Variants in TENM2 observed in about 807,000 individuals in gnomAD.
TENM2 encodes the protein teneurin transmembrane protein 2, also known as teneurin-2.
Under a neutral mutation model 245.2 loss-of-function variants are expected in TENM2, and 52 were observed. That is an observed-to-expected ratio of 0.21 (90% CI 0.17 to 0.27). TENM2 has a LOEUF of 0.27. Among genes scored for constraint, TENM2 ranks in the 10% least tolerant of loss-of-function variants. TENM2 has a pLI of 1.00. For missense variants in TENM2, 3,046 were observed against 3,666.8 expected, an observed-to-expected ratio of 0.83 and a Z score of 4.37; for synonymous variants, 1,363 against 1,438.9, an observed-to-expected ratio of 0.95 and a Z score of 1.19.
chr5:167,049,494 A>G, the TENM2 span, among the ~76,000 whole-genome samples: 5 of 152,210 alleles, frequency 3.3e-5, no homozygotes, highest in Non-Finnish European at 7.3e-5. Context: ...TTGTCTTTAA[A>G]CCACTTTTAA....
At chr5:167,154,016 GA>G in the TENM2 span, among the ~76,000 whole-genome samples, 7 of 152,136 alleles carry the variant, frequency 4.6e-5, no homozygotes, top group Non-Finnish European at 1.0e-4. Flanking sequence ...TCAGTTTGGT[GA>G]AATACAAGGG....
Position 167,515,669 on chromosome 5 carries a change from G to GTATATATATACACATATATACATATATA in TENM2, c.502+140197_502+140198insATATATATACACATATATACATATATAT. The stretch of plus-strand genomic sequence containing the variant: ...TATATACACATATATACGTATATAT[G>GTATATATATACACATATATACATATATA]TGTATATATATTTTGAGAGGGAGTC... On this transcript the variant is annotated intron_variant, in intron 2 of 28. Transcript: ENST00000518659. Among the ~76,000 whole-genome samples, 162 of 78,722 alleles carry GTATATATATACACATATATACATATATA rather than the reference G, an allele frequency of 2.1e-3. 4 individuals are homozygous for GTATATATATACACATATATACATATATA. The highest frequency in any genetic ancestry group is 8.2e-3 in the African/African-American group (153 of 18,740). 51.6% of individuals were successfully genotyped at this position (78,722 alleles called of 152,430 possible). A position where few individuals can be genotyped will look rare whatever the true frequency, so the allele number is the denominator to read the frequency against.
the TENM2 span, among the ~76,000 whole-genome samples, chr5:167,010,806 T>C: frequency 5.9e-5 from 9 of 152,222 alleles, no homozygotes; most frequent in Non-Finnish European, 8.8e-5. Context: ...TTTAATATGA[T>C]AGTGGTGAAG....
intron 5 of TENM2, among the ~76,000 whole-genome samples, chr5:167,994,767 C>T (rs1416867921): frequency 6.6e-6 from 1 of 152,094 alleles, no homozygotes; most frequent in Admixed American, 6.6e-5. Flanking sequence ...GGCCTGAGAC[C>T]CAAGCACCCC....
chr5:168,047,313 T>G, intron 5 of TENM2, 114 bp from the exon 8 acceptor site: 1 of 1,263,310 alleles, frequency 7.9e-7, no homozygotes, highest in Non-Finnish European at 1.1e-6. Context: ...AAGCCATTTT[T>G]GACGCAGCTT....
chr5:167,300,346 C>A (rs945497892), intron 1 of TENM2, among the ~76,000 whole-genome samples: 1 of 151,996 alleles, frequency 6.6e-6, no homozygotes, highest in South Asian at 2.1e-4. Flanking sequence ...CAGGGTCAGT[C>A]CAAGTGAAAG....
chr5:168,242,818 T>C (rs1477405289), intron 25 of TENM2, among the ~76,000 whole-genome samples: 2 of 152,086 alleles, frequency 1.3e-5, no homozygotes, highest in Non-Finnish European at 2.9e-5. Flanking sequence ...CCCAGTATGA[T>C]GGCACATGCC....
At chr5:167,226,316 C>G in the TENM2 span, among the ~76,000 whole-genome samples, 1 of 151,650 alleles carries the variant, frequency 6.6e-6, no homozygotes, top group African/African-American at 2.4e-5. Flanking sequence ...ATTCTTTTGC[C>G]CTAACCCACA....
chr5:167,112,111 T>C, the TENM2 span, among the ~76,000 whole-genome samples: 2 of 152,196 alleles, frequency 1.3e-5, no homozygotes, highest in Non-Finnish European at 2.9e-5. Context: ...AAGAGGAGGC[T>C]AATCCATATA....
At chr5:167,202,510 A>C in the TENM2 span, among the ~76,000 whole-genome samples, 1 of 152,204 alleles carries the variant, frequency 6.6e-6, no homozygotes, top group South Asian at 2.1e-4. Context: ...ATTTGTGTTT[A>C]GGTATTCTGT....
At chr5:168,228,593 G>GTTCT (rs1764482461) in intron 25 of TENM2, among the ~76,000 whole-genome samples, 1 of 140,912 alleles carries the variant, frequency 7.1e-6, no homozygotes, top group Admixed American at 7.1e-5. Context: ...TTTAAAGTAT[G>GTTCT]TTCTTTGCAC....
chr5:167,666,420 T>A (rs1582695354), intron 2 of TENM2, among the ~76,000 whole-genome samples: 1 of 152,272 alleles, frequency 6.6e-6, no homozygotes, highest in East Asian at 1.9e-4. Context: ...AACTTCCCAG[T>A]TTACTTAAGC....
chr5:167,334,177 A>C (rs1235422975), intron 1 of TENM2, among the ~76,000 whole-genome samples: 2 of 152,210 alleles, frequency 1.3e-5, no homozygotes, highest in Non-Finnish European at 2.9e-5. Context: ...GGGAAAATTA[A>C]AATGAAGACA....
At chr5:167,923,472 A>G (rs1289766927) in intron 3 of TENM2, among the ~76,000 whole-genome samples, 1 of 152,176 alleles carries the variant, frequency 6.6e-6, no homozygotes, top group African/African-American at 2.4e-5. Flanking sequence ...TGCATAAATA[A>G]TTTAAATTAC....
chr5:167,034,697 A>G, the TENM2 span, among the ~76,000 whole-genome samples: 3 of 147,938 alleles, frequency 2.0e-5, no homozygotes, highest in Non-Finnish European at 4.5e-5. Flanking sequence ...GTGAATTGTT[A>G]TTATTATTTT....
chr5:167,611,231 A>G (rs1403065408), intron 2 of TENM2, among the ~76,000 whole-genome samples: 3 of 152,156 alleles, frequency 2.0e-5, no homozygotes, highest in Admixed American at 2.0e-4. Flanking sequence ...GACATTATCA[A>G]TATCTCTACT....
intron 19 of TENM2, among the ~76,000 whole-genome samples, chr5:168,205,678 T>C (rs1476701379): frequency 6.6e-6 from 1 of 152,158 alleles, no homozygotes; most frequent in Non-Finnish European, 1.5e-5. Context: ...TAAGGACTGA[T>C]AGAAGCCCAA....
chr5:167,062,102 C>T, the TENM2 span, among the ~76,000 whole-genome samples: 1 of 152,168 alleles, frequency 6.6e-6, no homozygotes, highest in East Asian at 1.9e-4. Context: ...AGCCTTAAAG[C>T]AGTGATTTCA....
intron 9 of TENM2, among the ~76,000 whole-genome samples, chr5:168,115,693 G>A (rs147822917): frequency 6.8e-4 from 103 of 152,252 alleles, no homozygotes; most frequent in Admixed American, 1.7e-3. Flanking sequence ...TTTTATTTCA[G>A]TGCAGGGCTG....
Sources: gnomAD v4.1 joint callset for allele counts (sites outside exome capture counted in the v4.1 genomes callset) on GRCh38, gnomAD v4.1.1 for gene constraint, MANE v1.5 for transcripts, NCBI Gene and HGNC (gene_info 2026-07-23, HGNC 2026-07-21) for gene names.